The following GMEB2 variants were observed in gnomAD, a reference collection of about 807,000 sequenced individuals.
GMEB2 encodes glucocorticoid modulatory element binding protein 2.
A neutral mutation model predicts 45.7 loss-of-function variants in GMEB2; 7 were observed. That is an observed-to-expected ratio of 0.15 (90% CI 0.09 to 0.29). GMEB2 has a LOEUF of 0.29. Among genes scored for constraint, GMEB2 ranks in the 10% least tolerant of loss-of-function variants. The probability of loss-of-function intolerance (pLI) is 1.00; values close to 1 mark genes in which losing one functional copy is unlikely to be tolerated. For missense variants in GMEB2, 582 were observed against 739.2 expected, an observed-to-expected ratio of 0.79 and a Z score of 2.47; for synonymous variants, 322 against 323.6, an observed-to-expected ratio of 1.00 and a Z score of 0.05.
At chr20:63,609,689 C>CA (rs2089553812) in intron 2 of GMEB2, among the ~76,000 whole-genome samples, 1 of 45,380 alleles carries the variant, frequency 2.2e-5, no homozygotes, top group African/African-American at 8.9e-5. Context: ...CTCTGACCCA[C>CA]CTCCATTTCT....
At chr20:63,614,424 G>A (rs1466464210) in intron 2 of GMEB2, among the ~76,000 whole-genome samples, 1 of 152,248 alleles carries the variant, frequency 6.6e-6, no homozygotes, top group African/African-American at 2.4e-5. Flanking sequence ...GGTAACGCCA[G>A]CATCTGGGAA....
At chr20:63,624,865 G>C (rs879275272) in intron 1 of GMEB2, among the ~76,000 whole-genome samples, 1 of 150,892 alleles carries the variant, frequency 6.6e-6, no homozygotes, top group South Asian at 2.1e-4. Context: ...CCACCACCAC[G>C]CCCGGCTAAT....
chr20:63,592,508 C>A lies in GMEB2; in HGVS notation c.829+25G>T, dbSNP rs1601004272. On this transcript the variant is annotated intron_variant, in intron 8 of 9. Transcript: ENST00000370077. This position sits in a 1 kb window ranked among gnomAD's most constrained non-coding sequence, Gnocchi z 8.2. ...AGAGACTCCTGGGCTGAGTAGCCAG[C>A]AAGAGGGAAGATGCAGCTTCTCACC... The A allele has an allele frequency of 6.3e-7, 1 of 1,592,394 alleles. No individual in the cohort carries two copies. The highest frequency in any genetic ancestry group is 1.3e-5 in the African/African-American group (1 of 74,286).
intron 2 of GMEB2, among the ~76,000 whole-genome samples, chr20:63,617,601 C>T (rs527547200): frequency 2.0e-5 from 3 of 151,870 alleles, no homozygotes; most frequent in East Asian, 1.9e-4. Context: ...CCGGCAGCCG[C>T]GGCCACGGAG....
At chr20:63,602,272 C>G (rs1384137312) in intron 4 of GMEB2, among the ~76,000 whole-genome samples, 16 of 152,206 alleles carry the variant, frequency 1.1e-4, no homozygotes, top group Non-Finnish European at 1.5e-5. Flanking sequence ...GGGGTGTCTC[C>G]TTCCCTCTGC....
chr20:63,625,788 G>A (rs1438839571), intron 1 of GMEB2, among the ~76,000 whole-genome samples: 1 of 152,020 alleles, frequency 6.6e-6, no homozygotes, highest in Non-Finnish European at 1.5e-5. Context: ...AGTAGAGACA[G>A]GGTTTCACCG....
At chr20:63,604,652 A>G in intron 3 of GMEB2, 91 bp downstream of exon 3, 4 of 803,166 alleles carry the variant, frequency 5.0e-6, no homozygotes, top group Admixed American at 3.5e-5. Context: ...AAGACCTTGT[A>G]TATCTCTGGC....
At chr20:63,626,106 A>G (rs1011860278) in intron 1 of GMEB2, among the ~76,000 whole-genome samples, 6 of 152,036 alleles carry the variant, frequency 3.9e-5, no homozygotes, top group African/African-American at 1.5e-4. Flanking sequence ...AGCTCCGACC[A>G]ACAGGGTCCA....
chr20:63,600,038 C>CA (rs766866840), intron 4 of GMEB2, among the ~76,000 whole-genome samples: 44 of 150,118 alleles, frequency 2.9e-4, no homozygotes, highest in African/African-American at 9.3e-4. Context: ...GCCTTTATTG[C>CA]AAAAAAAAAA....
intron 5 of GMEB2, among the ~76,000 whole-genome samples, chr20:63,596,837 G>A (rs1301956562): frequency 6.6e-6 from 1 of 152,178 alleles, no homozygotes; most frequent in Non-Finnish European, 1.5e-5. Context: ...GGACAATATG[G>A]CAAAATCCCG....
chr20:63,611,586 G>C (rs1424419872), intron 2 of GMEB2, among the ~76,000 whole-genome samples: 1 of 151,868 alleles, frequency 6.6e-6, no homozygotes, highest in African/African-American at 2.4e-5. Flanking sequence ...CTGCACTCCA[G>C]CCTGTGTGAC....
rs752803175 is a variant in GMEB2 at position 63,619,808 on chromosome 20, T to C, written c.-57-354A>G. The C allele has an allele frequency of 2.2e-4, 35 of 156,568 alleles. 1 individual carries two copies. Among genetic ancestry groups the C allele is most frequent in the Admixed American group, 1.7e-3 (26 of 15,516 alleles). 9.7% of individuals were successfully genotyped at this position (156,568 alleles called of 1,614,324 possible). A position where few individuals can be genotyped will look rare whatever the true frequency, so the allele number is the denominator to read the frequency against. The stretch of plus-strand genomic sequence containing the variant: ...GCCAGTTCTTCCGTCTCTCCTGGCC[T>C]GAACTCAAAGCCAGCCCCAATCCCT... On this transcript the variant is annotated intron_variant, in intron 1 of 9. Coordinates refer to ENST00000370077, the MANE Select transcript of GMEB2 (RefSeq NM_012384.5). The surrounding 1 kb of genome is among the most constrained non-coding windows in gnomAD (Gnocchi z 4.6).
At chr20:63,595,960 C>T (rs888967089) in intron 5 of GMEB2, among the ~76,000 whole-genome samples, 193 bp from the exon 6 acceptor site, 1 of 152,240 alleles carries the variant, frequency 6.6e-6, no homozygotes, top group Non-Finnish European at 1.5e-5. Context: ...GCTGAAGAAG[C>T]AGCCGGCCCA....
At chr20:63,609,339 C>T in intron 2 of GMEB2, among the ~76,000 whole-genome samples, 1 of 115,342 alleles carries the variant, frequency 8.7e-6, no homozygotes, top group African/African-American at 3.3e-5. Flanking sequence ...AAACATGCCA[C>T]TCTGACCCCA....
At chr20:63,622,513 C>T (rs2089647304) in intron 1 of GMEB2, among the ~76,000 whole-genome samples, 1 of 152,192 alleles carries the variant, frequency 6.6e-6, no homozygotes, top group African/African-American at 2.4e-5. Flanking sequence ...AGGAAGTCCG[C>T]AAGAGAACAA....
intron 1 of GMEB2, among the ~76,000 whole-genome samples, chr20:63,625,155 C>T (rs1447168551): frequency 6.6e-6 from 1 of 152,182 alleles, no homozygotes; most frequent in African/African-American, 2.4e-5. Flanking sequence ...CAAGGGCGAG[C>T]ACCCCCTCCT....
intron 2 of GMEB2, among the ~76,000 whole-genome samples, chr20:63,611,314 T>C (rs536241094): frequency 2.6e-5 from 4 of 152,274 alleles, no homozygotes; most frequent in South Asian, 2.1e-4. Flanking sequence ...CCACAGCAAT[T>C]TAAAAGAGAA....
At chr20:63,622,203 T>C (rs2089645950) in intron 1 of GMEB2, among the ~76,000 whole-genome samples, 1 of 152,120 alleles carries the variant, frequency 6.6e-6, no homozygotes. Context: ...TCATTGTTAA[T>C]ATAAAAATAA....
At position 63,588,863 on chromosome 20, in the gene GMEB2, G is replaced by A. The variant is rs1293700546; in HGVS notation, c.*1226C>T. Reference sequence around the variant, plus strand: ...CTGCCCCAGGACCCTGGCCTGGAGGGGCCTCAGCCTGGTCTTCCTTGTGAG... The same window carrying A: ...CTGCCCCAGGACCCTGGCCTGGAGGAGCCTCAGCCTGGTCTTCCTTGTGAG... On this transcript the variant is annotated 3_prime_UTR_variant, in exon 10 of 10. Transcript: ENST00000370077. 3 of 398,478 alleles carry A rather than the reference G, an allele frequency of 7.5e-6. No individual in the cohort carries two copies. The highest frequency in any genetic ancestry group is 6.2e-5 in the African/African-American group (3 of 48,570). The allele number at this position is 398,478 out of a possible 1,614,324, so 24.7% of individuals were successfully genotyped here. A position where few individuals can be genotyped will look rare whatever the true frequency, so the allele number is the denominator to read the frequency against.
Sources: gnomAD v4.1 joint callset for allele counts (sites outside exome capture counted in the v4.1 genomes callset) on GRCh38, gnomAD v4.1.1 for gene constraint, Gnocchi (gnomAD v3.1) non-coding constraint, MANE v1.5 for transcripts, NCBI Gene and HGNC (gene_info 2026-07-23, HGNC 2026-07-21) for gene names.